The following PLCB1 variants were observed in gnomAD, a reference collection of about 807,000 sequenced individuals.
PLCB1 encodes 1-phosphatidylinositol 4,5-bisphosphate phosphodiesterase beta-1.
A neutral mutation model predicts 161.8 loss-of-function variants in PLCB1; 46 were observed. That is an observed-to-expected ratio of 0.28 (90% CI 0.22 to 0.36). The LOEUF is 0.36. Ranked by LOEUF, PLCB1 falls within the 10% of genes least tolerant of loss-of-function variation. PLCB1 has a pLI of 1.00. For missense variants in PLCB1, 1,016 were observed against 1,472.5 expected (o/e 0.69, Z 5.07); for synonymous variants, 517 against 503.7 (o/e 1.03, Z -0.35).
chr20:8,708,651 C>G lies in PLCB1; in HGVS notation c.1168-19C>G. 1 of 1,521,270 alleles carries G rather than the reference C, an allele frequency of 6.6e-7. No individual in the cohort carries two copies. The highest frequency in any genetic ancestry group is 9.1e-7 in the Non-Finnish European group (1 of 1,095,882). The allele number at this position is 1,521,270 out of a possible 1,614,324, so 94.2% of individuals were successfully genotyped here. On this transcript the variant is annotated intron_variant, in intron 11 of 31. Transcript: ENST00000338037. ...GAAAAATTCTGGCATACTGAATATA[C>G]ATGTGTTCTCATTTTTAGGAAGTGA...
At chr20:8,558,498 A>AG (rs1275871830) in intron 3 of PLCB1, among the ~76,000 whole-genome samples, 6 of 151,742 alleles carry the variant, frequency 4.0e-5, no homozygotes, top group Non-Finnish European at 8.8e-5. Context: ...GTGAGGAGAG[A>AG]GAAAAAAAGG....
chr20:8,157,361 T>G (rs2051572946), intron 2 of PLCB1, among the ~76,000 whole-genome samples: 1 of 152,190 alleles, frequency 6.6e-6, no homozygotes, highest in South Asian at 2.1e-4. Flanking sequence ...ATAGTCACTT[T>G]AGGATTGTGA....
chr20:8,678,137 A>C (rs932130933), intron 9 of PLCB1, among the ~76,000 whole-genome samples: 3 of 152,180 alleles, frequency 2.0e-5, no homozygotes, highest in African/African-American at 7.2e-5. Context: ...AATTAAGCAA[A>C]TGATAAAACA....
chr20:8,864,583 C>G (rs1311285725), intron 31 of PLCB1, among the ~76,000 whole-genome samples: 1 of 152,086 alleles, frequency 6.6e-6, no homozygotes, highest in Admixed American at 6.5e-5. Flanking sequence ...GGAGAGGAGG[C>G]CACAAAAAGC....
intron 31 of PLCB1, among the ~76,000 whole-genome samples, chr20:8,832,309 G>T (rs1224189837): frequency 6.6e-6 from 1 of 152,234 alleles, no homozygotes; most frequent in South Asian, 2.1e-4. Context: ...GGAACTGGAG[G>T]GTTATATGGG....
At chr20:8,579,756 G>A (rs1003323815) in intron 3 of PLCB1, among the ~76,000 whole-genome samples, 9 of 152,110 alleles carry the variant, frequency 5.9e-5, no homozygotes, top group African/African-American at 2.2e-4. Flanking sequence ...GACTATAGAA[G>A]AGTCTAGCTG....
chr20:8,812,976 C>T (rs983190547), intron 31 of PLCB1, among the ~76,000 whole-genome samples: 17 of 152,288 alleles, frequency 1.1e-4, no homozygotes, highest in African/African-American at 3.9e-4. Flanking sequence ...AGCCATTTCC[C>T]GAGCAGGCAG....
At chr20:8,764,127 A>G (rs1982191921) in intron 25 of PLCB1, among the ~76,000 whole-genome samples, 1 of 152,134 alleles carries the variant, frequency 6.6e-6, no homozygotes, top group Non-Finnish European at 1.5e-5. Flanking sequence ...AGATCACGCC[A>G]CTGCACTCCA....
At position 8,881,906 on chromosome 20, in the gene PLCB1, T is replaced by C. The variant is rs928795274; in HGVS notation, c.*57T>C. 1.7e-5 allele frequency: 19 copies of C among 1,148,472 alleles called. No homozygotes were observed. Among genetic ancestry groups the C allele is most frequent in the Non-Finnish European group, 2.2e-5 (17 of 764,828 alleles). The allele number at this position is 1,148,472 out of a possible 1,614,324, so 71.1% of individuals were successfully genotyped here. A position where few individuals can be genotyped will look rare whatever the true frequency, so the allele number is the denominator to read the frequency against. On this transcript the variant is annotated 3_prime_UTR_variant, in exon 32 of 32. Coordinates refer to ENST00000338037, the MANE Select transcript of PLCB1 (RefSeq NM_015192.4). Reference sequence around the variant, plus strand: ...GCCACTCCAGCGTCATCGGACTCTCTCTTATTACAAAGATCACTGCCCAGG... The same window carrying C: ...GCCACTCCAGCGTCATCGGACTCTCCCTTATTACAAAGATCACTGCCCAGG...
intron 31 of PLCB1, among the ~76,000 whole-genome samples, chr20:8,827,941 T>C (rs1257790278): frequency 6.6e-6 from 1 of 152,252 alleles, no homozygotes; most frequent in Non-Finnish European, 1.5e-5. Flanking sequence ...ACAGAGACTT[T>C]ATAGTCTGCA....
At chr20:8,510,337 T>A (rs1443227511) in intron 3 of PLCB1, among the ~76,000 whole-genome samples, 2 of 152,052 alleles carry the variant, frequency 1.3e-5, no homozygotes, top group Non-Finnish European at 2.9e-5. Context: ...ATTAATTTTC[T>A]GAGTTATTTA....
At chr20:8,875,241 G>T (rs2146329560) in intron 31 of PLCB1, among the ~76,000 whole-genome samples, 1 of 149,638 alleles carries the variant, frequency 6.7e-6, no homozygotes, top group Middle Eastern at 3.6e-3. Flanking sequence ...ATGTTTTTCT[G>T]TCTTGCTTAA....
intron 2 of PLCB1, among the ~76,000 whole-genome samples, chr20:8,188,130 T>C (rs1156462977): frequency 6.6e-6 from 1 of 152,108 alleles, no homozygotes; most frequent in African/African-American, 2.4e-5. Flanking sequence ...GCTCTGGTCT[T>C]CCCAACATGT....
intron 31 of PLCB1, among the ~76,000 whole-genome samples, chr20:8,856,962 C>T (rs1475643475): frequency 6.6e-6 from 1 of 152,222 alleles, no homozygotes; most frequent in Non-Finnish European, 1.5e-5. Flanking sequence ...TAGTTGTTCT[C>T]ACTTATGTGT....
intron 3 of PLCB1, among the ~76,000 whole-genome samples, chr20:8,617,464 C>G (rs1034992407): frequency 1.3e-5 from 2 of 151,868 alleles, no homozygotes; most frequent in African/African-American, 4.8e-5. Context: ...ATTCTGAATT[C>G]AGTGAGATCA....
chr20:8,523,488 C>CCATATA (rs1984443364), intron 3 of PLCB1, among the ~76,000 whole-genome samples: 2 of 59,376 alleles, frequency 3.4e-5, no homozygotes, highest in Admixed American at 1.8e-4. Context: ...CTCTCTCTCT[C>CCATATA]TCTCTCTCTA....
rs1984856563 is a variant in PLCB1, at chr20:8,812,170, T to C, written c.3423+21909T>C. On this transcript the variant is annotated intron_variant, in intron 31 of 31. Coordinates refer to ENST00000338037, the MANE Select transcript of PLCB1 (RefSeq NM_015192.4). ...AGATGACAGAACTCAGGATAAGACA[T>C]AGAAAAAGAGAAAAGCCTGCCCCCT... Among the ~76,000 whole-genome samples the C allele has an allele frequency of 2.6e-5, 4 of 151,740 alleles. No individual in the cohort carries two copies. The South Asian group carries it at 8.3e-4, about 32-fold the overall frequency.
At chr20:8,779,557 T>C (rs1600320738) in intron 27 of PLCB1, among the ~76,000 whole-genome samples, 1 of 139,922 alleles carries the variant, frequency 7.1e-6, no homozygotes, top group African/African-American at 2.6e-5. Flanking sequence ...CCTAGAGCTC[T>C]ACATCTAAAT....
intron 31 of PLCB1, among the ~76,000 whole-genome samples, chr20:8,815,236 A>G (rs1985031898): frequency 6.6e-6 from 1 of 152,164 alleles, no homozygotes; most frequent in Admixed American, 6.5e-5. Context: ...AAAATTGATG[A>G]CATAACCTTG....
Sources: allele counts gnomAD v4.1 joint callset (sites outside exome capture counted in the v4.1 genomes callset), GRCh38; gene constraint gnomAD v4.1.1; transcripts MANE v1.5; gene names NCBI Gene and HGNC (gene_info 2026-07-23, HGNC 2026-07-21).